Variants in SHC3 observed in about 807,000 individuals in gnomAD.
The protein encoded by SHC3 is SHC adaptor protein 3, also known as SHC-transforming protein 3.
A neutral mutation model predicts 60.4 loss-of-function variants in SHC3; 15 were observed. The observed-to-expected ratio is 0.25, with a 90% CI of 0.17 to 0.38. The LOEUF is 0.38. Ranked by LOEUF, SHC3 falls within the 10% of genes least tolerant of loss-of-function variation. The pLI is 1.00. For synonymous variants in SHC3, 294 were observed against 325.9 expected, an observed-to-expected ratio of 0.90 and a Z score of 1.05; for missense variants, 677 against 786.1, an observed-to-expected ratio of 0.86 and a Z score of 1.66.
In SHC3 at chr9:89,010,433, A is replaced by C. The variant is rs1826000893; in HGVS notation, c.*3014T>G. The C allele has an allele frequency of 6.6e-6, 1 of 152,248 alleles. No individual in the cohort carries two copies. Among genetic ancestry groups the C allele is most frequent in the Non-Finnish European group, 1.5e-5 (1 of 68,056 alleles). The allele number at this position is 152,248 out of a possible 1,614,324, so 9.4% of individuals were successfully genotyped here. On this transcript the variant is annotated 3_prime_UTR_variant, in exon 12 of 12. Transcript: ENST00000375835. ...TCCGTGGGACAGAGATGTCATTTGA[A>C]GCACAGCTGATTCATTCGTGGGGTT...
intron 3 of SHC3, among the ~76,000 whole-genome samples, chr9:89,076,684 G>A (rs1262024387): frequency 6.6e-6 from 1 of 152,044 alleles, no homozygotes; most frequent in Non-Finnish European, 1.5e-5. Flanking sequence ...ACATCTACCT[G>A]CATTGTGGCC....
intron 1 of SHC3, among the ~76,000 whole-genome samples, chr9:89,119,195 GAATAA>G (rs1160936721): frequency 1.3e-5 from 2 of 151,876 alleles, no homozygotes; most frequent in African/African-American, 4.8e-5. Flanking sequence ...AATAAGAATA[GAATAA>G]GAGACCTTCA....
chr9:89,137,038 G>T (rs907995765), intron 1 of SHC3, among the ~76,000 whole-genome samples: 13 of 152,108 alleles, frequency 8.5e-5, no homozygotes, highest in African/African-American at 2.4e-4. Context: ...AGAGAGTGAA[G>T]GGGGAGGTGG....
In SHC3 at chr9:89,061,002, C is replaced by T. The variant is rs572222251; in HGVS notation, c.835+4527G>A. Among the ~76,000 whole-genome samples the T allele has an allele frequency of 3.9e-5, 6 of 152,212 alleles. No individual in the cohort carries two copies. In the East Asian group the frequency reaches 9.6e-4, roughly 24 times the overall value. On this transcript the variant is annotated intron_variant, in intron 6 of 11. Transcript: ENST00000375835. ...ATGTTTGAGAGGCCTGTGAGACTCC[C>T]AAGTGGAGACACAGAGCTGGCTTTC...
Position 89,045,831 on chromosome 9 carries a change from A to T in SHC3, c.1116T>A (p.Phe372Leu). ...PRPHAPDTAQ[F>L]AGKEQTYYQG... ...GGTAATAAGTCTGCTCTTTTCCTGC[A>T]AACTATAGACACATGTAAATACACA... Residue 372 changes from phenylalanine (F) to leucine (L), a missense_variant and splice_region_variant, in exon 9 of 12, where the codon TTT (phenylalanine) becomes TTA (leucine). Coordinates refer to ENST00000375835, the MANE Select transcript of SHC3 (RefSeq NM_016848.6). 1 of 1,613,966 alleles carries T rather than the reference A, an allele frequency of 6.2e-7. No homozygotes were observed. The highest frequency in any genetic ancestry group is 8.5e-7 in the Non-Finnish European group (1 of 1,179,884).
chr9:89,087,287 A>T (rs958173393), intron 2 of SHC3, among the ~76,000 whole-genome samples: 1 of 152,242 alleles, frequency 6.6e-6, no homozygotes, highest in Non-Finnish European at 1.5e-5. Context: ...CCTGATCCCT[A>T]GGGTGAAGAT....
chr9:89,074,208 G>A (rs2118002301), intron 4 of SHC3, among the ~76,000 whole-genome samples: 1 of 152,286 alleles, frequency 6.6e-6, no homozygotes, highest in East Asian at 1.9e-4. Context: ...ACAGAAGTAT[G>A]TATAGTAACA....
At chr9:89,164,892 G>T (rs983635235) in intron 1 of SHC3, among the ~76,000 whole-genome samples, 3 of 152,090 alleles carry the variant, frequency 2.0e-5, no homozygotes, top group Admixed American at 2.0e-4. Context: ...ATTGATAACT[G>T]CACTCAAAAC....
rs1826019613 is a variant in SHC3 at position 89,012,044 on chromosome 9, G to A, written c.*1403C>T. On this transcript the variant is annotated 3_prime_UTR_variant, in exon 12 of 12. Coordinates refer to ENST00000375835, the MANE Select transcript of SHC3 (RefSeq NM_016848.6). Reference sequence around the variant, plus strand: ...ATCCAACTCTAAGCGTGTTTAGTGTGTCTTTCTGTTCTGCTGACCCATACC... The same window carrying A: ...ATCCAACTCTAAGCGTGTTTAGTGTATCTTTCTGTTCTGCTGACCCATACC... 1.3e-5 allele frequency: 2 copies of A among 152,202 alleles called. No homozygotes were observed. Among genetic ancestry groups the A allele is most frequent in the African/African-American group, 4.8e-5 (2 of 41,440 alleles). The allele number at this position is 152,202 out of a possible 1,614,324, so 9.4% of individuals were successfully genotyped here.
chr9:89,019,498 T>C (rs952356785), intron 11 of SHC3, among the ~76,000 whole-genome samples: 3 of 152,172 alleles, frequency 2.0e-5, no homozygotes, highest in African/African-American at 4.8e-5. Context: ...CATGATTGTC[T>C]AGAAGAAAAC....
chr9:89,029,289 A>G (rs566013046), intron 11 of SHC3, among the ~76,000 whole-genome samples: 1 of 152,144 alleles, frequency 6.6e-6, no homozygotes, highest in African/African-American at 2.4e-5. Context: ...GTGTTCATCA[A>G]GTTCCTAGAA....
chr9:89,017,968 G>T (rs1398552812), intron 11 of SHC3, among the ~76,000 whole-genome samples: 2 of 152,176 alleles, frequency 1.3e-5, no homozygotes, highest in African/African-American at 4.8e-5. Context: ...TTAGAGTGGT[G>T]ATCATTAAAA....
intron 2 of SHC3, among the ~76,000 whole-genome samples, chr9:89,095,222 C>G (rs1825684212): frequency 6.6e-6 from 1 of 152,168 alleles, no homozygotes; most frequent in Non-Finnish European, 1.5e-5. Flanking sequence ...ACCCAAATAT[C>G]CTTAACTGAT....
At chr9:89,041,629 C>T (rs1036040041) in intron 10 of SHC3, among the ~76,000 whole-genome samples, 32 of 152,196 alleles carry the variant, frequency 2.1e-4, no homozygotes, top group African/African-American at 6.5e-4. Flanking sequence ...TGTTGGTCTG[C>T]TTCATAGACC....
intron 1 of SHC3, among the ~76,000 whole-genome samples, chr9:89,114,964 T>A (rs972895997): frequency 2.0e-5 from 3 of 152,130 alleles, no homozygotes; most frequent in African/African-American, 7.2e-5. Flanking sequence ...CAGAGCTATG[T>A]AAATAGGCAA....
chr9:89,090,027 C>T (rs906591944), intron 2 of SHC3, among the ~76,000 whole-genome samples: 2 of 152,210 alleles, frequency 1.3e-5, no homozygotes, highest in Non-Finnish European at 2.9e-5. Flanking sequence ...AGCAAACACA[C>T]GGAGCCCTGA....
At chr9:89,147,466 C>T (rs1022447135) in intron 1 of SHC3, among the ~76,000 whole-genome samples, 1 of 152,130 alleles carries the variant, frequency 6.6e-6, no homozygotes, top group Non-Finnish European at 1.5e-5. Flanking sequence ...ATATGCGATT[C>T]CTCCTTCCTG....
At chr9:89,073,914 G>C (rs1825313723) in intron 4 of SHC3, among the ~76,000 whole-genome samples, 1 of 152,360 alleles carries the variant, frequency 6.6e-6, no homozygotes. Flanking sequence ...CCATGCCAGA[G>C]AAAGGCTGAG....
intron 1 of SHC3, among the ~76,000 whole-genome samples, chr9:89,148,868 C>T (rs2118210487): frequency 6.6e-6 from 1 of 152,314 alleles, no homozygotes; most frequent in Non-Finnish European, 1.5e-5. Context: ...GTCACTTTCC[C>T]TGGGCTGGCA....
Sources: gnomAD v4.1 joint callset for allele counts (sites outside exome capture counted in the v4.1 genomes callset) on GRCh38, gnomAD v4.1.1 for gene constraint, MANE v1.5 for transcripts, NCBI Gene and HGNC (gene_info 2026-07-23, HGNC 2026-07-21) for gene names.